Variants in ZNF564 observed in about 807,000 individuals in gnomAD.
The protein encoded by ZNF564 is zinc finger protein 564.
Under a neutral mutation model 10.5 loss-of-function variants are expected in ZNF564, and 5 were observed. The ratio of observed to expected loss-of-function variants is 0.48; its 90% CI spans 0.25 to 1.00. The LOEUF (loss-of-function observed/expected upper bound fraction) is 1.00, where lower values mean the gene tolerates loss of function less well. ZNF564 is among the 50% of genes least tolerant of loss of function. ZNF564 has a pLI of 0.16. For missense variants in ZNF564, 603 were observed against 669.7 expected (o/e 0.90, Z 1.10); for synonymous variants, 242 against 218.1 (o/e 1.11, Z -0.97).
chr19:12,528,561 C>T lies in ZNF564; in HGVS notation c.130+9G>A, dbSNP rs2021738110. On this transcript the variant is annotated intron_variant, in intron 2 of 3. Coordinates refer to ENST00000339282, the MANE Select transcript of ZNF564 (RefSeq NM_144976.4). ...AACTGACTAAAAGAAGGAATGATGT[C>T]ATCCTTACCTACACAGGCCAGGTTT... is the stretch of plus-strand genomic sequence containing the variant. 6.2e-7 allele frequency: 1 copy of T among 1,611,174 alleles called. No individual in the cohort carries two copies. The highest frequency in any genetic ancestry group is 1.3e-5 in the African/African-American group (1 of 74,816).
Position 12,539,265 on chromosome 19 carries a change from G to A in ZNF564, c.4-10569C>T, listed in dbSNP as rs111553213. On this transcript the variant is annotated intron_variant, in intron 1 of 3. Coordinates refer to ENST00000339282, the MANE Select transcript of ZNF564 (RefSeq NM_144976.4). ...CAAAAAAAAAAAAAAAAAAATAGGG[G>A]AGGTAGGGAAAAGGGGCTCTGTAAT... is the stretch of plus-strand genomic sequence containing the variant. Among the ~76,000 whole-genome samples the A allele has an allele frequency of 5.4e-3, 811 of 151,040 alleles. 13 individuals are homozygous for A. Among genetic ancestry groups the A allele is most frequent in the African/African-American group, 0.019 (777 of 41,064 alleles).
At chr19:12,545,262 CAAAA>C (rs534783270) in intron 1 of ZNF564, among the ~76,000 whole-genome samples, 18 of 57,420 alleles carry the variant, frequency 3.1e-4, no homozygotes, top group African/African-American at 7.6e-4. Flanking sequence ...AATTCCGTCT[CAAAA>C]AAAAAAAAAA....
At chr19:12,542,656 GAA>G (rs1430125412) in intron 1 of ZNF564, among the ~76,000 whole-genome samples, 1 of 121,386 alleles carries the variant, frequency 8.2e-6, no homozygotes, top group Non-Finnish European at 1.8e-5. Flanking sequence ...AAGGAAGAAA[GAA>G]AAGAAAAAAG....
chr19:12,527,514 T>C lies in ZNF564; in HGVS notation c.594A>G (p.Lys198=). 3.7e-6 allele frequency: 6 copies of C among 1,614,112 alleles called. No homozygotes were observed. The highest frequency in any genetic ancestry group is 5.1e-6 in the Non-Finnish European group (6 of 1,179,994). ...MIKHTGDGPY[K]CQECGKAFDR... ...CAAAGGCTTTCCCACATTCCTGACA[T>C]TTATATGGTCCATCTCCAGTGTGCT... Residue 198 remains lysine, a synonymous_variant, in exon 4 of 4, where the codon AAA becomes AAG. Coordinates refer to ENST00000339282, the MANE Select transcript of ZNF564 (RefSeq NM_144976.4).
chr19:12,539,718 G>A (rs549347890), intron 1 of ZNF564, among the ~76,000 whole-genome samples: 1 of 150,956 alleles, frequency 6.6e-6, no homozygotes, highest in Non-Finnish European at 1.5e-5. Context: ...GCTCACGCCT[G>A]TAATCCAAGC....
chr19:12,544,071 C>T (rs554348914), intron 1 of ZNF564, among the ~76,000 whole-genome samples: 1 of 152,290 alleles, frequency 6.6e-6, no homozygotes, highest in African/African-American at 2.4e-5. Flanking sequence ...GTGAAAACTA[C>T]ATGTGTGCTG....
chr19:12,538,793 A>G (rs2021971617), intron 1 of ZNF564, among the ~76,000 whole-genome samples: 1 of 152,046 alleles, frequency 6.6e-6, no homozygotes, highest in South Asian at 2.1e-4. Context: ...TGGGCGACAG[A>G]GCAAGACCCT....
chr19:12,533,727 CAAAAAAAAAAAAA>C (rs59631972), intron 1 of ZNF564, among the ~76,000 whole-genome samples: 1 of 29,182 alleles, frequency 3.4e-5, no homozygotes, highest in Non-Finnish European at 5.5e-5. Context: ...CTGCTGTCTC[CAAAAAAAAAAAAA>C]AAAAAAAAAA....
intron 1 of ZNF564, among the ~76,000 whole-genome samples, chr19:12,549,738 G>T (rs371337138): frequency 1.3e-5 from 2 of 152,070 alleles, no homozygotes; most frequent in African/African-American, 4.8e-5. Context: ...GCATACAGCT[G>T]CTCCCGTGAG....
intron 1 of ZNF564, among the ~76,000 whole-genome samples, chr19:12,533,809 C>T (rs554303171): frequency 7.1e-6 from 1 of 140,718 alleles, no homozygotes; most frequent in East Asian, 2.1e-4. Context: ...CAAATTAAAC[C>T]CAAGTAAGCA....
intron 1 of ZNF564, among the ~76,000 whole-genome samples, chr19:12,546,414 C>A (rs752394625): frequency 1.3e-5 from 2 of 152,190 alleles, no homozygotes; most frequent in African/African-American, 2.4e-5. Flanking sequence ...ATTTAGACGT[C>A]CTTTATTTTA....
intron 1 of ZNF564, among the ~76,000 whole-genome samples, chr19:12,546,146 TA>T (rs2022148141): frequency 6.6e-6 from 1 of 152,190 alleles, no homozygotes; most frequent in South Asian, 2.1e-4. Flanking sequence ...AATACACTCG[TA>T]AATTCATAAA....
Position 12,540,925 on chromosome 19 carries a change from T to C in ZNF564, c.3+10405A>G, listed in dbSNP as rs944747814. The stretch of plus-strand genomic sequence containing the variant: ...TACTCGAGAGGCTGAGGTAGGAGAA[T>C]TGCTTGAACCCAAGAGTGGAGGTTG... On this transcript the variant is annotated intron_variant, in intron 1 of 3. Coordinates refer to ENST00000339282, the MANE Select transcript of ZNF564 (RefSeq NM_144976.4). 8.0e-5 allele frequency among the ~76,000 whole-genome samples: 12 copies of C among 150,006 alleles called. 1 individual carries two copies. The highest frequency in any genetic ancestry group is 2.5e-4 in the African/African-American group (10 of 40,678).
chr19:12,551,386 G>C lies in ZNF564; in HGVS notation c.-54C>G. On this transcript the variant is annotated 5_prime_UTR_variant, in exon 1 of 4. Coordinates refer to ENST00000339282, the MANE Select transcript of ZNF564 (RefSeq NM_144976.4). ...CTGCCTACGGCTCTCTCCGGCCTGT[G>C]CAGGTCCCAGCGCGCCAGACGCTGC... 1 of 1,533,768 alleles carries C rather than the reference G, an allele frequency of 6.5e-7. No individual in the cohort carries two copies. The highest frequency in any genetic ancestry group is 2.5e-5 in the East Asian group (1 of 39,680).
chr19:12,531,382 C>G (rs976950180), intron 1 of ZNF564, among the ~76,000 whole-genome samples: 4 of 151,918 alleles, frequency 2.6e-5, no homozygotes, highest in Admixed American at 1.3e-4. Context: ...ACCTGGGAAA[C>G]ACGGCGAAAC....
intron 1 of ZNF564, among the ~76,000 whole-genome samples, chr19:12,533,727 C>CAAAAAAAAAAAAAAAAAAAAAAA (rs59631972): frequency 1.0e-4 from 3 of 29,184 alleles, no homozygotes; most frequent in African/African-American, 5.1e-4. Context: ...CTGCTGTCTC[C>CAAAAAAAAAAAAAAAAAAAAAAA]AAAAAAAAAA....
At chr19:12,528,217 C>T in intron 3 of ZNF564, 87 bp downstream of exon 3, 1 of 1,268,772 alleles carries the variant, frequency 7.9e-7, no homozygotes, top group Non-Finnish European at 1.1e-6. Flanking sequence ...AAATCTGAAG[C>T]TGGGCTTACT....
At chr19:12,545,881 T>G (rs541222270) in intron 1 of ZNF564, among the ~76,000 whole-genome samples, 1 of 152,206 alleles carries the variant, frequency 6.6e-6, no homozygotes, top group South Asian at 2.1e-4. Context: ...TTTCCTGGGG[T>G]AGGGAATGGA....
In ZNF564 at chr19:12,546,239, C is replaced by G. The variant is rs144186453; in HGVS notation, c.3+5091G>C. ...GACATTTGCAGAAATTACACTCTGA[C>G]TAAACCAACTCTGTGGATACAAAAC... is the stretch of plus-strand genomic sequence containing the variant. On this transcript the variant is annotated intron_variant, in intron 1 of 3. Coordinates refer to ENST00000339282, the MANE Select transcript of ZNF564 (RefSeq NM_144976.4). Among the ~76,000 whole-genome samples, 166 of 152,282 alleles carry G rather than the reference C, an allele frequency of 1.1e-3. 1 individual carries two copies. The highest frequency in any genetic ancestry group is 3.8e-3 in the African/African-American group (158 of 41,552).
Sources: gnomAD v4.1 joint callset for allele counts (sites outside exome capture counted in the v4.1 genomes callset) on GRCh38, gnomAD v4.1.1 for gene constraint, MANE v1.5 for transcripts, NCBI Gene and HGNC (gene_info 2026-07-23, HGNC 2026-07-21) for gene names.